IL36B: variants seen among roughly 807,000 people sequenced by gnomAD.
IL36B encodes interleukin 36 beta, also known as interleukin-36 beta.
In IL36B, 23 loss-of-function variants were observed where a neutral mutation model predicts 19.3. That is an observed-to-expected ratio of 1.19 (90% confidence interval 0.86 to 1.69). The LOEUF (loss-of-function observed/expected upper bound fraction) is 1.69, where lower values mean the gene tolerates loss of function less well. Ranked by LOEUF, IL36B falls within the 40% of genes most tolerant of loss-of-function variation. The pLI, the probability that IL36B is intolerant of heterozygous loss-of-function variation, is 0.00. For synonymous variants in IL36B, 59 were observed against 59.7 expected, an observed-to-expected ratio of 0.99 and a Z score of 0.05; for missense variants, 217 against 200.5, an observed-to-expected ratio of 1.08 and a Z score of -0.50.
intron 3 of IL36B, among the ~76,000 whole-genome samples, chr2:113,030,091 C>T (rs1266086925): frequency 6.6e-6 from 1 of 152,134 alleles, no homozygotes; most frequent in East Asian, 1.9e-4. Context: ...ATTAGCTAGG[C>T]ACAGTGGTGG....
intron 1 of IL36B, among the ~76,000 whole-genome samples, chr2:113,047,916 T>C (rs1361212904): frequency 1.3e-5 from 2 of 151,978 alleles, no homozygotes; most frequent in African/African-American, 4.8e-5. Flanking sequence ...ATAAAAAATG[T>C]TAACTCAGGA....
rs190231532 is a variant in IL36B at position 113,026,254 on chromosome 2, T to A, written c.262-22A>T. 7 of 1,613,112 alleles carry A rather than the reference T, an allele frequency of 4.3e-6. No homozygotes were observed. In the East Asian group the frequency reaches 8.9e-5, roughly 21 times the overall value. ...GAAGCTGGAAGAGAGAAATGTTCAATGTTGCTGAGATAATACACTGCCAGG... is the reference window on the plus strand; with the variant it reads ...GAAGCTGGAAGAGAGAAATGTTCAAAGTTGCTGAGATAATACACTGCCAGG... On this transcript the variant is annotated intron_variant, in intron 4 of 5. Coordinates refer to ENST00000259213, the MANE Select transcript of IL36B (RefSeq NM_014438.5).
intron 1 of IL36B, among the ~76,000 whole-genome samples, chr2:113,041,571 C>G (rs1285221638): frequency 1.8e-5 from 1 of 54,326 alleles, no homozygotes; most frequent in African/African-American, 2.3e-4. Context: ...AAGAAATAAC[C>G]ATGAAAGAAA....
intron 1 of IL36B, among the ~76,000 whole-genome samples, chr2:113,043,473 A>T (rs1207356568): frequency 6.6e-6 from 1 of 152,246 alleles, no homozygotes; most frequent in Non-Finnish European, 1.5e-5. Context: ...GAAATGGATC[A>T]TAATTCACCT....
chr2:113,041,156 C>CAA (rs11405890), intron 1 of IL36B, among the ~76,000 whole-genome samples: 81,928 of 132,776 alleles, frequency 0.62, 23,611 homozygotes, highest in South Asian at 0.79. Flanking sequence ...GACTTTGCCA[C>CAA]ACACAAAAAA....
chr2:113,046,170 T>C (rs1190153644), intron 1 of IL36B, among the ~76,000 whole-genome samples: 1 of 152,100 alleles, frequency 6.6e-6, no homozygotes, highest in African/African-American at 2.4e-5. Context: ...TACATTATTA[T>C]TATATAAAGT....
intron 3 of IL36B, 78 bp downstream of exon 3, chr2:113,030,970 G>A: frequency 1.9e-6 from 2 of 1,074,916 alleles, no homozygotes; most frequent in East Asian, 4.7e-5. Context: ...CCAGGGCCAG[G>A]CTTATGCAAG....
chr2:113,037,509 C>T (rs1163952313), intron 1 of IL36B, among the ~76,000 whole-genome samples: 5 of 152,068 alleles, frequency 3.3e-5, no homozygotes, highest in Non-Finnish European at 5.9e-5. Flanking sequence ...ATTAGCCAGG[C>T]GTGGTGGCAC....
At chr2:113,031,441 C>T (rs6750526) in intron 2 of IL36B, among the ~76,000 whole-genome samples, 1,883 of 151,964 alleles carry the variant, frequency 0.012, 38 homozygotes, top group African/African-American at 0.043. Context: ...TAAAAAAAAC[C>T]CCATAATATT....
Position 113,031,295 on chromosome 2 carries a change from A to T in IL36B, c.14-140T>A, listed in dbSNP as rs1001509312. The T allele has an allele frequency of 1.1e-5, 7 of 658,456 alleles. No individual in the cohort carries two copies. The African/African-American group carries it at 1.3e-4, about 12-fold the overall frequency. The allele number at this position is 658,456 out of a possible 1,614,324, so 40.8% of individuals were successfully genotyped here. A position where few individuals can be genotyped will look rare whatever the true frequency, so the allele number is the denominator to read the frequency against. ...AAGTAGTGGCTATAACGATAAATGG[A>T]GGGGAAATAGGGCAGGGACTAGTTT... On this transcript the variant is annotated intron_variant, in intron 2 of 5. Transcript: ENST00000259213.
At chr2:113,040,197 C>T (rs1685230880) in intron 1 of IL36B, among the ~76,000 whole-genome samples, 1 of 152,062 alleles carries the variant, frequency 6.6e-6, no homozygotes, top group African/African-American at 2.4e-5. Flanking sequence ...AAGTATTAGG[C>T]CAAAGGTAAC....
chr2:113,027,917 C>A, intron 4 of IL36B: 1 of 1,614,094 alleles, frequency 6.2e-7, no homozygotes, highest in Non-Finnish European at 8.5e-7. Context: ...TCCACAGAAT[C>A]TAAGTAGAAG....
intron 1 of IL36B, among the ~76,000 whole-genome samples, chr2:113,048,671 C>T (rs961643779): frequency 6.6e-6 from 1 of 151,710 alleles, no homozygotes; most frequent in African/African-American, 2.4e-5. Flanking sequence ...TTGCAGAAAG[C>T]AGTAGAGAAT....
At chr2:113,035,058 C>CA (rs1685143078) in intron 1 of IL36B, among the ~76,000 whole-genome samples, 1 of 152,170 alleles carries the variant, frequency 6.6e-6, no homozygotes, top group Non-Finnish European at 1.5e-5. Flanking sequence ...CAGAAACTCC[C>CA]ACCCCAACTC....
intron 1 of IL36B, among the ~76,000 whole-genome samples, chr2:113,042,551 A>G (rs539090815): frequency 1.6e-4 from 25 of 152,110 alleles, no homozygotes; most frequent in Middle Eastern, 3.4e-3. Context: ...GTTTGTTTTC[A>G]TTTGTTTTGT....
chr2:113,028,989 G>T lies in IL36B; in HGVS notation c.211C>A (p.Leu71Ile). ...TGAATTTCTGCACAGAAGAGACAGA[G>T]ATCTTTTCCCTTGATTCCCAGGTAA... The change falls in exon 4 of 6, where the codon CTC becomes ATC. Residue 71 changes from leucine (L) to isoleucine (I), a missense_variant. Coordinates refer to ENST00000259213, the MANE Select transcript of IL36B (RefSeq NM_014438.5). 1.2e-6 allele frequency: 2 copies of T among 1,614,144 alleles called. No homozygotes were observed. Among genetic ancestry groups the T allele is most frequent in the Non-Finnish European group, 1.7e-6 (2 of 1,179,968 alleles).
intron 1 of IL36B, among the ~76,000 whole-genome samples, chr2:113,034,975 A>G (rs183173077): frequency 6.6e-6 from 1 of 152,348 alleles, no homozygotes; most frequent in Admixed American, 6.5e-5. Context: ...AGAGATACAG[A>G]CAAGGCTCTA....
At chr2:113,026,897 T>G (rs1684972452) in intron 4 of IL36B, among the ~76,000 whole-genome samples, 1 of 152,212 alleles carries the variant, frequency 6.6e-6, no homozygotes. Flanking sequence ...TAGCAATTGA[T>G]CTTAACCAAA....
At position 113,040,054 on chromosome 2, in the gene IL36B, A is replaced by G. The variant is rs112788078; in HGVS notation, c.-57-8288T>C. ...ATAGTCTTTCTTGAAGAATAAGGGA[A>G]CAGATGTGACTCCACATCAAGAATA... On this transcript the variant is annotated intron_variant, in intron 1 of 5. Coordinates refer to ENST00000259213, the MANE Select transcript of IL36B (RefSeq NM_014438.5). Among the ~76,000 whole-genome samples the G allele has an allele frequency of 4.4e-3, 664 of 152,364 alleles. 3 individuals are homozygous for G. Among genetic ancestry groups the G allele is most frequent in the African/African-American group, 0.015 (636 of 41,588 alleles).
Sources: allele counts gnomAD v4.1 joint callset (sites outside exome capture counted in the v4.1 genomes callset), GRCh38; gene constraint gnomAD v4.1.1; transcripts MANE v1.5; gene names NCBI Gene and HGNC (gene_info 2026-07-23, HGNC 2026-07-21).